Variants in FOXK1 observed in about 807,000 individuals in gnomAD.
FOXK1 encodes the protein forkhead box K1, also known as forkhead box protein K1.
In FOXK1, 19 loss-of-function variants were observed where a neutral mutation model predicts 51.9. The observed-to-expected ratio is 0.37, with a 90% CI of 0.26 to 0.54. The LOEUF (loss-of-function observed/expected upper bound fraction) is 0.54, where lower values mean the gene tolerates loss of function less well. FOXK1 is among the 20% of genes least tolerant of loss of function. The pLI is 0.87. For synonymous variants in FOXK1, 537 were observed against 482.6 expected, an observed-to-expected ratio of 1.11 and a Z score of -1.48; for missense variants, 870 against 1,032.7, an observed-to-expected ratio of 0.84 and a Z score of 2.16.
intron 1 of FOXK1, among the ~76,000 whole-genome samples, chr7:4,727,354 T>C (rs912655295): frequency 5.3e-5 from 8 of 152,174 alleles, no homozygotes; most frequent in African/African-American, 1.9e-4. Flanking sequence ...CTTACTCTGT[T>C]ACCCAGCCTG....
At position 4,759,237 on chromosome 7, in the gene FOXK1, CTTGCGGGGCG is replaced by C; in HGVS notation, c.1411+21_1411+30del. 1 of 1,585,258 alleles carries C rather than the reference CTTGCGGGGCG, an allele frequency of 6.3e-7. No homozygotes were observed. Among genetic ancestry groups the C allele is most frequent in the Non-Finnish European group, 8.6e-7 (1 of 1,162,366 alleles). ...CACCCGGTAAGGAGCGGGCGGCCCTCTTGCGGGGCGGGGCGGGGCGGGACTCGTGGGGGTG... is the reference window on the plus strand; with the variant it reads ...CACCCGGTAAGGAGCGGGCGGCCCTCGGGCGGGGCGGGACTCGTGGGGGTG... On this transcript the variant is annotated intron_variant, in intron 6 of 8. Coordinates refer to ENST00000328914, the MANE Select transcript of FOXK1 (RefSeq NM_001037165.2).
intron 1 of FOXK1, among the ~76,000 whole-genome samples, chr7:4,699,391 A>G (rs1779992786): frequency 8.6e-6 from 1 of 115,758 alleles, no homozygotes; most frequent in Non-Finnish European, 1.7e-5. Flanking sequence ...TTTTTTTTTG[A>G]GACATCTCAC....
At chr7:4,688,696 C>T (rs904062891) in intron 1 of FOXK1, among the ~76,000 whole-genome samples, 2 of 152,104 alleles carry the variant, frequency 1.3e-5, no homozygotes, top group Non-Finnish European at 2.9e-5. Flanking sequence ...GCTTTTTTCT[C>T]ATGGAGTCAC....
At chr7:4,705,974 G>GTATATATACGTATATATATGTATA (rs1780088756) in intron 1 of FOXK1, among the ~76,000 whole-genome samples, 1 of 67,698 alleles carries the variant, frequency 1.5e-5, no homozygotes, top group Non-Finnish European at 2.8e-5. Context: ...ATATATATAC[G>GTATATATACGTATATATATGTATA]TATATATACG....
At chr7:4,754,415 C>T (rs1332977522) in intron 2 of FOXK1, 44 bp from the exon 3 acceptor site, 1 of 1,595,824 alleles carries the variant, frequency 6.3e-7, no homozygotes, top group Non-Finnish European at 8.6e-7. Context: ...ACAGGGGCCC[C>T]CTCTTCAGAG....
In FOXK1 at chr7:4,730,413, A is replaced by G. The variant is rs189166754; in HGVS notation, c.561-10425A>G. Among the ~76,000 whole-genome samples, 190 of 152,336 alleles carry G rather than the reference A, an allele frequency of 1.2e-3. 2 individuals are homozygous for G. The highest frequency in any genetic ancestry group is 1.5e-3 in the Non-Finnish European group (102 of 68,026). On this transcript the variant is annotated intron_variant, in intron 1 of 8. Coordinates refer to ENST00000328914, the MANE Select transcript of FOXK1 (RefSeq NM_001037165.2). This position sits in a 1 kb window ranked among gnomAD's most constrained non-coding sequence, Gnocchi z 4.7. ...GGGTTCAGGAGAACAGGGTTGTGGC[A>G]TGGACCCAAAAGTGGAGTCACGGTT...
chr7:4,731,807 TC>T lies in FOXK1; in HGVS notation c.561-9029del, dbSNP rs1323385108. On this transcript the variant is annotated intron_variant, in intron 1 of 8. Coordinates refer to ENST00000328914, the MANE Select transcript of FOXK1 (RefSeq NM_001037165.2). This position sits in a 1 kb window ranked among gnomAD's most constrained non-coding sequence, Gnocchi z 5.3. The stretch of plus-strand genomic sequence containing the variant: ...ACAGAGAGGCCTGCTTATAACACCA[TC>T]CTTATCCTGGGCTGTTTTCCTTTGT... 6.7e-6 allele frequency among the ~76,000 whole-genome samples: 1 copy of T among 149,962 alleles called. No homozygotes were observed. The highest frequency in any genetic ancestry group is 2.4e-5 in the African/African-American group (1 of 40,886).
At chr7:4,757,263 A>C (rs932878289) in intron 5 of FOXK1, 76 bp downstream of exon 5, 2 of 1,324,124 alleles carry the variant, frequency 1.5e-6, no homozygotes, top group Non-Finnish European at 2.1e-6. Flanking sequence ...TACGTGGCGC[A>C]GTCAGCCCTC....
At chr7:4,693,350 GAC>G (rs1779916930) in intron 1 of FOXK1, among the ~76,000 whole-genome samples, 1 of 152,158 alleles carries the variant, frequency 6.6e-6, no homozygotes, top group Admixed American at 6.6e-5. Context: ...AAAGTTGAGT[GAC>G]ACAGCATATT....
In FOXK1 at chr7:4,707,789, A is replaced by C. The variant is rs914272957; in HGVS notation, c.560+24921A>C. 6.6e-6 allele frequency among the ~76,000 whole-genome samples: 1 copy of C among 151,624 alleles called. No individual in the cohort carries two copies. Among genetic ancestry groups the C allele is most frequent in the Admixed American group, 6.6e-5 (1 of 15,212 alleles). On this transcript the variant is annotated intron_variant, in intron 1 of 8. Transcript: ENST00000328914. The surrounding 1 kb of genome is among the most constrained non-coding windows in gnomAD (Gnocchi z 4.1). Reference sequence around the variant, plus strand: ...AACCTCCGCCTCCTGGGTTCAAGCAATTCTCCTACCTCAGCCCCCCAAGTA... The same window carrying C: ...AACCTCCGCCTCCTGGGTTCAAGCACTTCTCCTACCTCAGCCCCCCAAGTA...
rs758019186 is a variant in FOXK1, at chr7:4,754,593, C to T, written c.881C>T (p.Thr294Met). ...GCCGCGTCGGAGCAGCAGGCAGACA[C>T]GTCTGGAGGAGACAGCCCCAAGGTC... The part of the protein sequence containing the change: ...AKAASEQQAD[T>M]SGGDSPKDES... Residue 294 changes from threonine (T) to methionine (M), a missense_variant, in exon 3 of 9, where the codon ACG becomes ATG. Physicochemically the swap from Thr to Met is moderately conservative, Grantham distance 81. This residue lies in a region of FOXK1 where 399 missense variants were observed against 475.6 expected (regional missense o/e 0.84). Transcript: ENST00000328914. The T allele has an allele frequency of 3.7e-6, 6 of 1,605,822 alleles. No homozygotes were observed. Among genetic ancestry groups the T allele is most frequent in the East Asian group, 4.5e-5 (2 of 44,886 alleles).
rs1194074479 is a variant in FOXK1 at position 4,770,892 on chromosome 7, TGTGTGTGTGTA to T, written c.*8429_*8439del. 2 of 151,440 alleles carry T rather than the reference TGTGTGTGTGTA, an allele frequency of 1.3e-5. No homozygotes were observed. Among genetic ancestry groups the T allele is most frequent in the African/African-American group, 4.9e-5 (2 of 40,858 alleles). The allele number at this position is 151,440 out of a possible 1,614,324, so 9.4% of individuals were successfully genotyped here. ...GTGTGTGTGTGTGTGTGTGTGTGTG[TGTGTGTGTGTA>T]TTTTTTTTTTTACAGTGGCGCCTGT... On this transcript the variant is annotated 3_prime_UTR_variant, in exon 9 of 9. Transcript: ENST00000328914.
chr7:4,762,716 C>T lies in FOXK1; in HGVS notation c.*252C>T, dbSNP rs925020941. ...GAATTCTTTGCTTTCCTTTCCTTCT[C>T]CCTCGGCACCACCTCCTCTCCCCAG... is the stretch of plus-strand genomic sequence containing the variant. On this transcript the variant is annotated 3_prime_UTR_variant, in exon 9 of 9. Coordinates refer to ENST00000328914, the MANE Select transcript of FOXK1 (RefSeq NM_001037165.2). The surrounding 1 kb of genome is among the most constrained non-coding windows in gnomAD (Gnocchi z 5.7). 2 of 499,980 alleles carry T rather than the reference C, an allele frequency of 4.0e-6. No individual in the cohort carries two copies. The highest frequency in any genetic ancestry group is 3.5e-5 in the East Asian group (1 of 28,718). 31.0% of individuals were successfully genotyped at this position (499,980 alleles called of 1,614,324 possible).
rs200479360 is a variant in FOXK1 at position 4,717,483 on chromosome 7, A to G, written c.561-23355A>G. On this transcript the variant is annotated intron_variant, in intron 1 of 8. Coordinates refer to ENST00000328914, the MANE Select transcript of FOXK1 (RefSeq NM_001037165.2). ...GCTGGGAGGCATGTGGCTGGGAGGC[A>G]TGTGGCTGGGAGGCGTATGGCTGGG... 1.1e-4 allele frequency among the ~76,000 whole-genome samples: 8 copies of G among 72,566 alleles called. No homozygotes were observed. The South Asian group carries it at 1.2e-3, about 11-fold the overall frequency. The allele number at this position is 72,566 out of a possible 152,430, so 47.6% of individuals were successfully genotyped here. A position where few individuals can be genotyped will look rare whatever the true frequency, so the allele number is the denominator to read the frequency against.
In FOXK1 at chr7:4,715,501, A is replaced by T. The variant is rs573132290; in HGVS notation, c.561-25337A>T. The stretch of plus-strand genomic sequence containing the variant: ...CCGCTGGCCGGCGGTAGGAGCTGGA[A>T]TGCCCGAGCTCTGAGAAGCTCTTCA... On this transcript the variant is annotated intron_variant, in intron 1 of 8. Coordinates refer to ENST00000328914, the MANE Select transcript of FOXK1 (RefSeq NM_001037165.2). The surrounding 1 kb of genome is among the most constrained non-coding windows in gnomAD (Gnocchi z 4.5). 1.8e-3 allele frequency among the ~76,000 whole-genome samples: 280 copies of T among 152,290 alleles called. No homozygotes were observed. Among genetic ancestry groups the T allele is most frequent in the Admixed American group, 3.9e-3 (60 of 15,300 alleles).
chr7:4,757,317 C>T, intron 5 of FOXK1, 130 bp downstream of exon 5: 1 of 793,024 alleles, frequency 1.3e-6, no homozygotes, highest in African/African-American at 1.8e-5. Context: ...TGCAACTGAT[C>T]ACAGGTCAAA....
At chr7:4,736,236 T>TA (rs1245317513) in intron 1 of FOXK1, among the ~76,000 whole-genome samples, 6 of 152,210 alleles carry the variant, frequency 3.9e-5, no homozygotes, top group Non-Finnish European at 7.3e-5. Flanking sequence ...CAATCACTGT[T>TA]ACGGCAGATA....
intron 5 of FOXK1, 89 bp downstream of exon 5, chr7:4,757,276 G>GA: frequency 8.5e-7 from 1 of 1,180,430 alleles, no homozygotes. Flanking sequence ...CAGCCCTCCG[G>GA]ATCTGTGGGC....
At chr7:4,752,265 C>T (rs140221989) in intron 2 of FOXK1, among the ~76,000 whole-genome samples, 5 of 152,200 alleles carry the variant, frequency 3.3e-5, no homozygotes, top group Non-Finnish European at 5.9e-5. Flanking sequence ...CTGCCTCAGC[C>T]TCCTGAGTAG....
Sources: allele counts gnomAD v4.1 joint callset (sites outside exome capture counted in the v4.1 genomes callset), GRCh38; gene constraint gnomAD v4.1.1; regional missense constraint gnomAD v4.1.1; non-coding constraint Gnocchi (gnomAD v3.1); transcripts MANE v1.5; gene names NCBI Gene and HGNC (gene_info 2026-07-23, HGNC 2026-07-21).